The following DIAPH3 variants were observed in gnomAD, a reference collection of about 807,000 sequenced individuals.
DIAPH3 encodes diaphanous related formin 3.
A neutral mutation model predicts 144.3 loss-of-function variants in DIAPH3; 117 were observed. That is an observed-to-expected ratio of 0.81 (90% CI 0.70 to 0.95). The LOEUF is 0.95. Ranked by LOEUF, DIAPH3 falls within the 40% of genes least tolerant of loss-of-function variation. DIAPH3 has a pLI of 0.00. For synonymous variants in DIAPH3, 519 were observed against 488.9 expected (o/e 1.06, Z -0.81); for missense variants, 1,421 against 1,412.7 (o/e 1.01, Z -0.09).
chr13:59,764,535 A>T (rs532473592), intron 27 of DIAPH3, among the ~76,000 whole-genome samples: 1 of 150,630 alleles, frequency 6.6e-6, no homozygotes, highest in African/African-American at 2.4e-5. Flanking sequence ...GTGAATGTCA[A>T]CCGTATTTGG....
At chr13:59,970,588 T>C (rs2050307624) in intron 16 of DIAPH3, among the ~76,000 whole-genome samples, 1 of 152,132 alleles carries the variant, frequency 6.6e-6, no homozygotes, top group African/African-American at 2.4e-5. Flanking sequence ...TCAATTTAAT[T>C]ACAAATCGGA....
intron 4 of DIAPH3, among the ~76,000 whole-genome samples, chr13:60,046,360 A>G (rs977800839): frequency 5.3e-5 from 8 of 152,210 alleles, no homozygotes; most frequent in African/African-American, 9.7e-5. Context: ...TGGCCAAAAG[A>G]CATATTAAAA....
chr13:59,827,506 A>C (rs1038958767), intron 24 of DIAPH3, among the ~76,000 whole-genome samples: 16 of 152,098 alleles, frequency 1.1e-4, no homozygotes, highest in Non-Finnish European at 1.9e-4. Flanking sequence ...TTAAGATGAA[A>C]TGTTAAGCAA....
chr13:59,991,978 T>C (rs912646748), intron 11 of DIAPH3, 90 bp downstream of exon 11: 5 of 1,011,614 alleles, frequency 4.9e-6, no homozygotes, highest in Admixed American at 1.7e-5. Flanking sequence ...GTTGTTTATA[T>C]AGAAATGAGC....
intron 22 of DIAPH3, among the ~76,000 whole-genome samples, chr13:59,843,860 A>G (rs1454336158): frequency 6.6e-6 from 1 of 152,208 alleles, no homozygotes; most frequent in East Asian, 1.9e-4. Flanking sequence ...AGAGCATTTT[A>G]AGAATTCCCT....
intron 2 of DIAPH3, among the ~76,000 whole-genome samples, chr13:60,114,252 G>T (rs2058644835): frequency 6.7e-6 from 1 of 148,240 alleles, no homozygotes. Context: ...AATAATTTCA[G>T]CAGCAAAGTC....
At chr13:60,028,991 G>A (rs1287842486) in intron 5 of DIAPH3, among the ~76,000 whole-genome samples, 4 of 151,812 alleles carry the variant, frequency 2.6e-5, no homozygotes, top group Non-Finnish European at 4.4e-5. Flanking sequence ...CCCAGGAGGC[G>A]GAGGTTGCAG....
At chr13:59,898,065 G>A (rs1340135478) in intron 20 of DIAPH3, among the ~76,000 whole-genome samples, 1 of 145,904 alleles carries the variant, frequency 6.9e-6, no homozygotes, top group Non-Finnish European at 1.5e-5. Flanking sequence ...ACCTGGGGAG[G>A]CAGAGGCTGC....
chr13:59,761,016 C>T (rs1459023146), intron 27 of DIAPH3, among the ~76,000 whole-genome samples: 2 of 152,126 alleles, frequency 1.3e-5, no homozygotes, highest in Non-Finnish European at 2.9e-5. Flanking sequence ...GCTGTCACAT[C>T]ACAATAAAGT....
At chr13:59,914,175 A>G (rs931247201) in intron 19 of DIAPH3, among the ~76,000 whole-genome samples, 1 of 152,178 alleles carries the variant, frequency 6.6e-6, no homozygotes, top group Non-Finnish European at 1.5e-5. Context: ...GTAACTAAAT[A>G]TGTCAAAATA....
At chr13:59,793,195 T>C (rs1310584866) in intron 25 of DIAPH3, among the ~76,000 whole-genome samples, 1 of 152,182 alleles carries the variant, frequency 6.6e-6, no homozygotes. Flanking sequence ...GCAGAGCATG[T>C]GGATTTCCAA....
chr13:59,691,076 G>A (rs2033493291), intron 27 of DIAPH3, among the ~76,000 whole-genome samples: 1 of 152,070 alleles, frequency 6.6e-6, no homozygotes, highest in Admixed American at 6.6e-5. Flanking sequence ...GGTAGAAAAA[G>A]AAGCAAATAC....
At chr13:60,155,789 C>T (rs1374126558) in intron 1 of DIAPH3, among the ~76,000 whole-genome samples, 1 of 152,142 alleles carries the variant, frequency 6.6e-6, no homozygotes, top group Non-Finnish European at 1.5e-5. Context: ...TCCCAGCTTC[C>T]TAGAAACTAT....
intron 1 of DIAPH3, among the ~76,000 whole-genome samples, chr13:60,156,277 T>C (rs933431683): frequency 2.0e-5 from 3 of 152,222 alleles, no homozygotes; most frequent in Non-Finnish European, 4.4e-5. Flanking sequence ...AATAATCTCA[T>C]TTTAAAATCC....
chr13:60,093,329 G>A (rs765345423), intron 4 of DIAPH3, among the ~76,000 whole-genome samples: 8 of 152,138 alleles, frequency 5.3e-5, no homozygotes, highest in Non-Finnish European at 1.2e-4. Context: ...TGATTTATAA[G>A]TGACATTAAA....
intron 3 of DIAPH3, among the ~76,000 whole-genome samples, chr13:60,105,157 A>G (rs61958589): frequency 0.011 from 1,595 of 147,586 alleles, 10 homozygotes; most frequent in Non-Finnish European, 0.019. Flanking sequence ...TTTCATTCAT[A>G]TATTTGTTTT....
intron 18 of DIAPH3, among the ~76,000 whole-genome samples, chr13:59,917,297 A>C (rs2047266570): frequency 1.3e-5 from 2 of 152,138 alleles, no homozygotes; most frequent in South Asian, 4.2e-4. Flanking sequence ...GCATCTGTGG[A>C]TTTTGGTATT....
Position 59,883,680 on chromosome 13 carries a change from G to A in DIAPH3, c.2368-4212C>T, listed in dbSNP as rs567374179. 2.6e-5 allele frequency among the ~76,000 whole-genome samples: 4 copies of A among 152,282 alleles called. No homozygotes were observed. In the South Asian group the frequency reaches 8.3e-4, roughly 32 times the overall value. ...ACCTGGCTAGTAGGACCCAGGCCTA[G>A]AGCTAACTTGCTGCTAATCAACTGT... On this transcript the variant is annotated intron_variant, in intron 20 of 27. Transcript: ENST00000400324.
chr13:60,029,302 A>G (rs1447201756), intron 5 of DIAPH3, among the ~76,000 whole-genome samples: 1 of 151,992 alleles, frequency 6.6e-6, no homozygotes, highest in Non-Finnish European at 1.5e-5. Flanking sequence ...CAATCCTTAT[A>G]CAAGCCACCC....
Sources: gnomAD v4.1 joint callset for allele counts (sites outside exome capture counted in the v4.1 genomes callset) on GRCh38, gnomAD v4.1.1 for gene constraint, MANE v1.5 for transcripts, NCBI Gene and HGNC (gene_info 2026-07-23, HGNC 2026-07-21) for gene names.